Variants in KAT7 observed in about 807,000 individuals in gnomAD.
KAT7 encodes the protein lysine acetyltransferase 7.
A neutral mutation model predicts 82.1 loss-of-function variants in KAT7; 10 were observed. That is an observed-to-expected ratio of 0.12 (90% CI 0.08 to 0.21). The LOEUF (loss-of-function observed/expected upper bound fraction) is 0.21, where lower values mean the gene tolerates loss of function less well. KAT7 is among the 10% of genes least tolerant of loss of function. The pLI is 1.00. For synonymous variants in KAT7, 250 were observed against 262.5 expected, an observed-to-expected ratio of 0.95 and a Z score of 0.46; for missense variants, 378 against 760.9, an observed-to-expected ratio of 0.50 and a Z score of 5.92.
intron 4 of KAT7, among the ~76,000 whole-genome samples, chr17:49,803,625 C>T (rs1228969374): frequency 1.3e-5 from 2 of 151,028 alleles, no homozygotes; most frequent in African/African-American, 2.4e-5. Flanking sequence ...GGGGTTTCAC[C>T]GTGTTAGCCA....
Position 49,830,153 on chromosome 17 carries a change from C to T in KAT7, c.*2651C>T, listed in dbSNP as rs368852025. 6.8e-6 allele frequency: 1 copy of T among 146,542 alleles called. No homozygotes were observed. Among genetic ancestry groups the T allele is most frequent in the African/African-American group, 2.5e-5 (1 of 39,278 alleles). 9.1% of individuals were successfully genotyped at this position (146,542 alleles called of 1,614,324 possible). On this transcript the variant is annotated 3_prime_UTR_variant, in exon 15 of 15. Transcript: ENST00000259021. ...TTGGCCTCCCAAAGTGCTGGGATTACAGGCGTGAGCCACTGCACCCGACCT... is the reference window on the plus strand; with the variant it reads ...TTGGCCTCCCAAAGTGCTGGGATTATAGGCGTGAGCCACTGCACCCGACCT...
At chr17:49,797,216 A>G (rs955886869) in intron 3 of KAT7, among the ~76,000 whole-genome samples, 4 of 151,994 alleles carry the variant, frequency 2.6e-5, no homozygotes, top group Non-Finnish European at 4.4e-5. Context: ...GGCGCCTGCC[A>G]CCACGCCAGG....
Position 49,798,283 on chromosome 17 carries a change from T to C in KAT7, c.341-36T>C, listed in dbSNP as rs1247479872. 8.1e-6 allele frequency: 13 copies of C among 1,598,944 alleles called. No individual in the cohort carries two copies. In the Admixed American group the frequency reaches 1.2e-4, roughly 14 times the overall value. Reference sequence around the variant, plus strand: ...ATAGTAAACTTCTAAATAAATGAACTCCACTCATAACTTCTACCAATTGCT... The same window carrying C: ...ATAGTAAACTTCTAAATAAATGAACCCCACTCATAACTTCTACCAATTGCT... On this transcript the variant is annotated intron_variant, in intron 3 of 14. Transcript: ENST00000259021.
chr17:49,800,720 C>A (rs1366615511), intron 4 of KAT7, among the ~76,000 whole-genome samples: 1 of 152,086 alleles, frequency 6.6e-6, no homozygotes, highest in African/African-American at 2.4e-5. Context: ...TCTCTGCCCT[C>A]ATGGAGCTTA....
chr17:49,827,137 A>C (rs2144000023), intron 14 of KAT7: 2 of 474,258 alleles, frequency 4.2e-6, no homozygotes, highest in East Asian at 6.9e-5. Flanking sequence ...GTCTCAACTC[A>C]AACTCACATC....
intron 4 of KAT7, among the ~76,000 whole-genome samples, chr17:49,799,499 A>G (rs566344435): frequency 6.6e-6 from 1 of 151,570 alleles, no homozygotes; most frequent in Non-Finnish European, 1.5e-5. Context: ...TCCTGCTTCA[A>G]CCTCCTGAGT....
intron 7 of KAT7, among the ~76,000 whole-genome samples, chr17:49,814,565 T>C (rs1279764176): frequency 6.6e-6 from 1 of 152,248 alleles, no homozygotes. Context: ...GTAACTTACC[T>C]AAAATCATAC....
intron 2 of KAT7, 81 bp from the exon 3 acceptor site, chr17:49,796,669 G>A (rs890051945): frequency 7.6e-6 from 8 of 1,056,894 alleles, no homozygotes; most frequent in South Asian, 1.8e-5. Flanking sequence ...GAGGAGGAGC[G>A]ATATTCTGAT....
intron 12 of KAT7, chr17:49,823,576 A>AT (rs2074332233): frequency 3.2e-6 from 1 of 316,292 alleles, no homozygotes; most frequent in Non-Finnish European, 5.9e-6. Context: ...TAAACAGCAC[A>AT]TACATGCATG....
chr17:49,809,704 T>C (rs923302051), intron 6 of KAT7, among the ~76,000 whole-genome samples: 7 of 152,226 alleles, frequency 4.6e-5, no homozygotes, highest in Non-Finnish European at 7.3e-5. Context: ...CCACATTGGT[T>C]CACTTACTTC....
At chr17:49,810,950 G>A (rs558992085) in intron 6 of KAT7, among the ~76,000 whole-genome samples, 37 of 152,008 alleles carry the variant, frequency 2.4e-4, no homozygotes, top group Non-Finnish European at 4.7e-4. Flanking sequence ...AGTGAGCCGC[G>A]ATCGTGCCGC....
At chr17:49,791,589 C>A (rs533093088) in intron 1 of KAT7, among the ~76,000 whole-genome samples, 4 of 152,172 alleles carry the variant, frequency 2.6e-5, no homozygotes, top group Admixed American at 1.3e-4. Flanking sequence ...ACCCGGGAGG[C>A]GGAGGTTGCA....
intron 8 of KAT7, among the ~76,000 whole-genome samples, chr17:49,816,786 A>G (rs2074240056): frequency 6.6e-6 from 1 of 152,108 alleles, no homozygotes. Context: ...TAGCCAACTC[A>G]GAGCCACTGA....
chr17:49,826,142 C>T lies in KAT7; in HGVS notation c.1623C>T (p.Ile541=). 1.2e-6 allele frequency: 2 copies of T among 1,613,734 alleles called. No homozygotes were observed. Among genetic ancestry groups the T allele is most frequent in the Non-Finnish European group, 1.7e-6 (2 of 1,179,698 alleles). ...ATTTTCAAGGCAAAGAGATTTCTAT[C>T]AAAGGTTGGTTTTTGACTCCTTGGA... The part of the protein sequence containing the change: ...LHNFQGKEIS[I]KEISQETAVN... Residue 541 remains isoleucine (I), a synonymous_variant, in exon 13 of 15, where the codon ATC becomes ATT. Coordinates refer to ENST00000259021, the MANE Select transcript of KAT7 (RefSeq NM_007067.5).
intron 5 of KAT7, among the ~76,000 whole-genome samples, chr17:49,807,436 T>C (rs2074105241): frequency 6.6e-6 from 1 of 152,142 alleles, no homozygotes; most frequent in Non-Finnish European, 1.5e-5. Flanking sequence ...GCAGAGGCCA[T>C]GAGGCGCGGC....
chr17:49,810,290 C>G (rs565261095), intron 6 of KAT7, among the ~76,000 whole-genome samples: 1 of 152,222 alleles, frequency 6.6e-6, no homozygotes, highest in Admixed American at 6.5e-5. Flanking sequence ...GAGTTTCACT[C>G]TTTTTGCCCC....
intron 8 of KAT7, 102 bp downstream of exon 8, chr17:49,816,015 T>G (rs1000984225): frequency 3.0e-6 from 2 of 677,950 alleles, no homozygotes; most frequent in Admixed American, 2.5e-5. Flanking sequence ...AAATGTACCT[T>G]GCTTCTGGAA....
At chr17:49,813,960 C>T (rs1030805779) in intron 7 of KAT7, among the ~76,000 whole-genome samples, 1 of 151,872 alleles carries the variant, frequency 6.6e-6, no homozygotes, top group Admixed American at 6.6e-5. Flanking sequence ...TCACAGCTCA[C>T]TGCAACCTCT....
At position 49,830,746 on chromosome 17, in the gene KAT7, A is replaced by G. The variant is rs2074418773; in HGVS notation, c.*3244A>G. 6.6e-6 allele frequency: 1 copy of G among 152,118 alleles called. No individual in the cohort carries two copies. The highest frequency in any genetic ancestry group is 2.1e-4 in the South Asian group (1 of 4,824). 9.4% of individuals were successfully genotyped at this position (152,118 alleles called of 1,614,324 possible). ...AGTAAGCAGCAAAGCCAGAAACTTC[A>G]ATTCTGGTCTGTCTACCTTGATAGC... On this transcript the variant is annotated 3_prime_UTR_variant, in exon 15 of 15. Coordinates refer to ENST00000259021, the MANE Select transcript of KAT7 (RefSeq NM_007067.5).
Sources: allele counts gnomAD v4.1 joint callset (sites outside exome capture counted in the v4.1 genomes callset), GRCh38; gene constraint gnomAD v4.1.1; transcripts MANE v1.5; gene names NCBI Gene and HGNC (gene_info 2026-07-23, HGNC 2026-07-21).